Variants in RSU1 observed in about 807,000 individuals in gnomAD.
The protein encoded by RSU1 is Ras suppressor protein 1.
RSU1 carries 26 observed loss-of-function variants against 31.1 expected under a neutral mutation model. The observed-to-expected ratio is 0.84, with a 90% CI of 0.61 to 1.16. RSU1 has a LOEUF of 1.16. Among genes scored for constraint, RSU1 ranks in the 50% most tolerant of loss-of-function variants. The pLI is 0.00. For missense variants in RSU1, 320 were observed against 339.1 expected, an observed-to-expected ratio of 0.94 and a Z score of 0.44; for synonymous variants, 164 against 136.3, an observed-to-expected ratio of 1.20 and a Z score of -1.41.
chr10:16,787,244 G>C (rs949686457), intron 2 of RSU1, among the ~76,000 whole-genome samples: 4 of 152,098 alleles, frequency 2.6e-5, no homozygotes, highest in South Asian at 2.1e-4. Flanking sequence ...AAGTCTTCAC[G>C]TGAGCAGGTG....
At chr10:16,617,114 G>A (rs1833991521) in intron 8 of RSU1, among the ~76,000 whole-genome samples, 1 of 152,186 alleles carries the variant, frequency 6.6e-6, no homozygotes, top group African/African-American at 2.4e-5. Flanking sequence ...AACTCATTAA[G>A]CTGATAAGCA....
At chr10:16,676,503 G>A (rs1245180748) in intron 8 of RSU1, among the ~76,000 whole-genome samples, 2 of 152,156 alleles carry the variant, frequency 1.3e-5, no homozygotes, top group Admixed American at 1.3e-4. Flanking sequence ...GATTATGGAA[G>A]CTACAATTCA....
At chr10:16,598,579 G>T (rs569873426) in intron 8 of RSU1, among the ~76,000 whole-genome samples, 1 of 152,258 alleles carries the variant, frequency 6.6e-6, no homozygotes, top group South Asian at 2.1e-4. Context: ...ACAGGCAGGG[G>T]GTCAAAGTGA....
At chr10:16,785,635 C>A (rs922706538) in intron 2 of RSU1, among the ~76,000 whole-genome samples, 1 of 151,730 alleles carries the variant, frequency 6.6e-6, no homozygotes, top group African/African-American at 2.4e-5. Flanking sequence ...GCCCCACCTC[C>A]AACACTGGGG....
intron 8 of RSU1, among the ~76,000 whole-genome samples, chr10:16,684,114 G>C (rs774331214): frequency 6.6e-6 from 1 of 152,208 alleles, no homozygotes; most frequent in Non-Finnish European, 1.5e-5. Context: ...GATTGGGAGG[G>C]TGGTGAAAGA....
At chr10:16,785,513 T>TATATACATATATATATACACATATATAC (rs1837771627) in intron 2 of RSU1, among the ~76,000 whole-genome samples, 1 of 121,834 alleles carries the variant, frequency 8.2e-6, no homozygotes, top group Non-Finnish European at 1.7e-5. Context: ...CATATATACA[T>TATATACATATATATATACACATATATAC]ATATATATAT....
rs1385691520 is a variant in RSU1 at position 16,646,020 on chromosome 10, GTGTATATATATGTGTA to G, written c.731+48987_731+49002del. Among the ~76,000 whole-genome samples, 2 of 75,462 alleles carry G rather than the reference GTGTATATATATGTGTA, an allele frequency of 2.7e-5. 1 individual carries two copies. Among genetic ancestry groups the G allele is most frequent in the African/African-American group, 1.3e-4 (2 of 14,940 alleles). 49.5% of individuals were successfully genotyped at this position (75,462 alleles called of 152,430 possible). A position where few individuals can be genotyped will look rare whatever the true frequency, so the allele number is the denominator to read the frequency against. Reference sequence around the variant, plus strand: ...TATATATATGTGTATATACATATATGTGTATATATATGTGTATATACATATATGTGTATATATATAT... The same window carrying G: ...TATATATATGTGTATATACATATATGTATACATATATGTGTATATATATAT... On this transcript the variant is annotated intron_variant, in intron 8 of 8. Coordinates refer to ENST00000345264, the MANE Select transcript of RSU1 (RefSeq NM_012425.4).
rs796638350 is a variant in RSU1 at position 16,655,075 on chromosome 10, AGAG to A, written c.731+39945_731+39947del. Among the ~76,000 whole-genome samples, 140 of 74,096 alleles carry A rather than the reference AGAG, an allele frequency of 1.9e-3. 4 individuals carry two copies. The South Asian group carries it at 0.044, about 23-fold the overall frequency. 48.6% of individuals were successfully genotyped at this position (74,096 alleles called of 152,430 possible). A position where few individuals can be genotyped will look rare whatever the true frequency, so the allele number is the denominator to read the frequency against. On this transcript the variant is annotated intron_variant, in intron 8 of 8. Coordinates refer to ENST00000345264, the MANE Select transcript of RSU1 (RefSeq NM_012425.4). ...TCCCTTAAAAAAAAAAAAAAAAAAAAGAGAGAGAGAGAGAGAGAAATGCATTCT... is the reference window on the plus strand; with the variant it reads ...TCCCTTAAAAAAAAAAAAAAAAAAAAAGAGAGAGAGAGAGAAATGCATTCT...
intron 3 of RSU1, among the ~76,000 whole-genome samples, chr10:16,770,218 G>A (rs1344002757): frequency 6.6e-6 from 1 of 151,986 alleles, no homozygotes; most frequent in African/African-American, 2.4e-5. Context: ...CGTAAGGAGC[G>A]ACAGACTCTG....
At chr10:16,728,554 G>C (rs1468426571) in intron 7 of RSU1, among the ~76,000 whole-genome samples, 1 of 152,186 alleles carries the variant, frequency 6.6e-6, no homozygotes, top group Non-Finnish European at 1.5e-5. Flanking sequence ...AGGTTCATAG[G>C]TGTGTTACTA....
At chr10:16,765,546 C>T (rs181784469) in intron 3 of RSU1, among the ~76,000 whole-genome samples, 3 of 152,284 alleles carry the variant, frequency 2.0e-5, no homozygotes, top group East Asian at 3.9e-4. Context: ...AATGTAAAAG[C>T]CAAAGGCATC....
At chr10:16,620,358 C>CA (rs1220838595) in intron 8 of RSU1, among the ~76,000 whole-genome samples, 1 of 151,630 alleles carries the variant, frequency 6.6e-6, no homozygotes, top group Non-Finnish European at 1.5e-5. Flanking sequence ...TACATATAAG[C>CA]AAAAAACAGT....
At chr10:16,614,841 T>C (rs1303721975) in intron 8 of RSU1, among the ~76,000 whole-genome samples, 2 of 151,894 alleles carry the variant, frequency 1.3e-5, no homozygotes. Flanking sequence ...CATTTACTCA[T>C]ATCTAAAATG....
chr10:16,656,320 C>T (rs1281026414), intron 8 of RSU1, among the ~76,000 whole-genome samples: 1 of 152,048 alleles, frequency 6.6e-6, no homozygotes, highest in Non-Finnish European at 1.5e-5. Flanking sequence ...GTCATTAAAC[C>T]ATCTTATACA....
intron 8 of RSU1, among the ~76,000 whole-genome samples, chr10:16,646,360 C>T (rs552031787): frequency 2.6e-5 from 4 of 152,228 alleles, no homozygotes; most frequent in South Asian, 4.2e-4. Context: ...GCTCACTATC[C>T]GTACAGTCAG....
intron 7 of RSU1, among the ~76,000 whole-genome samples, chr10:16,700,904 G>C (rs1364578288): frequency 6.6e-6 from 1 of 152,180 alleles, no homozygotes; most frequent in Admixed American, 6.5e-5. Context: ...TTAAAACAAT[G>C]AGGATCTACC....
intron 7 of RSU1, among the ~76,000 whole-genome samples, chr10:16,702,630 A>G (rs1835815351): frequency 6.6e-6 from 1 of 152,146 alleles, no homozygotes; most frequent in Admixed American, 6.5e-5. Context: ...ATTTCTCCCT[A>G]CTGGAACAGG....
At chr10:16,624,207 T>A (rs1834118266) in intron 8 of RSU1, among the ~76,000 whole-genome samples, 1 of 139,742 alleles carries the variant, frequency 7.2e-6, no homozygotes, top group Admixed American at 6.9e-5. Context: ...AGCTTGCACA[T>A]GTGTGTGTGT....
At chr10:16,596,031 C>T (rs949130906) in intron 8 of RSU1, among the ~76,000 whole-genome samples, 2 of 152,080 alleles carry the variant, frequency 1.3e-5, no homozygotes, top group African/African-American at 4.8e-5. Context: ...CCCCAACCTA[C>T]ACTTTTAAAA....
Sources: allele counts gnomAD v4.1 joint callset (sites outside exome capture counted in the v4.1 genomes callset), GRCh38; gene constraint gnomAD v4.1.1; transcripts MANE v1.5; gene names NCBI Gene and HGNC (gene_info 2026-07-23, HGNC 2026-07-21).